Variants in TIMM50 observed in about 807,000 individuals in gnomAD.
TIMM50 encodes the protein mitochondrial import inner membrane translocase subunit TIM50.
Under a neutral mutation model 49.6 loss-of-function variants are expected in TIMM50, and 34 were observed. The observed-to-expected ratio is 0.69, with a 90% CI of 0.52 to 0.91. The LOEUF is 0.91. Ranked by LOEUF, TIMM50 falls within the 40% of genes least tolerant of loss-of-function variation. The pLI, the probability that TIMM50 is intolerant of heterozygous loss-of-function variation, is 0.00. For missense variants in TIMM50, 458 were observed against 477.8 expected (o/e 0.96, Z 0.39); for synonymous variants, 199 against 198.4 (o/e 1.00, Z -0.03).
At chr19:39,489,076 C>T (rs1247596190) in intron 10 of TIMM50, among the ~76,000 whole-genome samples, 7 of 151,950 alleles carry the variant, frequency 4.6e-5, no homozygotes, top group South Asian at 2.1e-4. Context: ...GTATGGATTG[C>T]GTCTGGGTAA....
At chr19:39,486,695 G>A (rs1363847533) in intron 8 of TIMM50, among the ~76,000 whole-genome samples, 200 bp downstream of exon 8, 3 of 152,222 alleles carry the variant, frequency 2.0e-5, no homozygotes, top group Non-Finnish European at 4.4e-5. Context: ...GGGTGTGGGA[G>A]TGGGGGGAAA....
intron 10 of TIMM50, among the ~76,000 whole-genome samples, chr19:39,489,326 G>A (rs4802033): frequency 0.26 from 39,507 of 151,982 alleles, 6,252 homozygotes; most frequent in African/African-American, 0.44. Context: ...TCACCTTGGG[G>A]TAACAGGGTC....
At chr19:39,485,413 A>T in intron 4 of TIMM50, 131 bp from the exon 5 acceptor site, 2 of 1,006,538 alleles carry the variant, frequency 2.0e-6, no homozygotes, top group Non-Finnish European at 3.1e-6. Flanking sequence ...CTTTGGACCT[A>T]GAAATGAGTT....
rs1555752632 is a variant in TIMM50 at position 39,492,882 on chromosome 19, A to AAAACAAAAC, written c.*3065_*3066insCAAAACAAA. On this transcript the variant is annotated 3_prime_UTR_variant, in exon 11 of 11. Coordinates refer to ENST00000607714, the MANE Select transcript of TIMM50 (RefSeq NM_001001563.5). ...TAAGGCTCTGTCTCCAAAAAAAAAA[A>AAAACAAAAC]AAAAAAAAAACAAAAAAAAAACCAG... 2.8e-5 allele frequency: 4 copies of AAAACAAAAC among 141,230 alleles called. No individual in the cohort carries two copies. The highest frequency in any genetic ancestry group is 1.4e-4 in the Admixed American group (2 of 14,130). The allele number at this position is 141,230 out of a possible 1,614,324, so 8.7% of individuals were successfully genotyped here. A position where few individuals can be genotyped will look rare whatever the true frequency, so the allele number is the denominator to read the frequency against.
chr19:39,484,207 G>A (rs2079490193), intron 4 of TIMM50, among the ~76,000 whole-genome samples: 1 of 152,112 alleles, frequency 6.6e-6, no homozygotes, highest in Non-Finnish European at 1.5e-5. Context: ...TAAAAATACT[G>A]TATTAAAGTA....
chr19:39,488,148 G>A lies in TIMM50; in HGVS notation c.784G>A (p.Val262Ile), dbSNP rs370178868. Residue 262 changes from valine (V) to isoleucine (I), a missense_variant, in exon 9 of 11, where the codon GTT becomes ATT. Physicochemically the swap from Val to Ile is conservative, Grantham distance 29. Transcript: ENST00000607714. ...CTTCCGCCTGCAGCCCTATAACGGC[G>A]TTGCCCTGCGGCCCTGGGACGGCAA... ...EAFRLQPYNG[V>I]ALRPWDGNSD... The A allele has an allele frequency of 5.6e-6, 9 of 1,613,946 alleles. No homozygotes were observed. The East Asian group carries it at 6.7e-5, about 12-fold the overall frequency.
chr19:39,483,261 C>T (rs1382930144), intron 4 of TIMM50, 105 bp downstream of exon 4: 2 of 1,464,878 alleles, frequency 1.4e-6, no homozygotes, highest in East Asian at 4.5e-5. Flanking sequence ...CCTCCTTCCA[C>T]TGGGGAGGTG....
intron 8 of TIMM50, 93 bp from the exon 9 acceptor site, chr19:39,487,968 C>T: frequency 7.2e-7 from 1 of 1,383,550 alleles, no homozygotes; most frequent in East Asian, 2.4e-5. Context: ...ATGTGTGATG[C>T]TGTGTATGTA....
chr19:39,490,741 GC>G lies in TIMM50; in HGVS notation c.*922del, dbSNP rs2079539653. On this transcript the variant is annotated 3_prime_UTR_variant, in exon 11 of 11. Transcript: ENST00000607714. ...CCCTATTTTAAAATGTTGGCTCCTAGCGGGGCGCAGTGGCTCACGCCTGTAA... is the reference window on the plus strand; with the variant it reads ...CCCTATTTTAAAATGTTGGCTCCTAGGGGGCGCAGTGGCTCACGCCTGTAA... 6.6e-6 allele frequency: 1 copy of G among 152,046 alleles called. No individual in the cohort carries two copies. Among genetic ancestry groups the G allele is most frequent in the Admixed American group, 6.5e-5 (1 of 15,270 alleles). The allele number at this position is 152,046 out of a possible 1,614,324, so 9.4% of individuals were successfully genotyped here.
At chr19:39,484,856 G>A (rs2079493899) in intron 4 of TIMM50, among the ~76,000 whole-genome samples, 1 of 152,162 alleles carries the variant, frequency 6.6e-6, no homozygotes, top group Non-Finnish European at 1.5e-5. Flanking sequence ...GAGCCCAGGA[G>A]TTCAAGACCA....
rs1441549074 is a variant in TIMM50 at position 39,493,265 on chromosome 19, T to C, written c.*3445T>C. The C allele has an allele frequency of 6.6e-6, 1 of 151,828 alleles. No homozygotes were observed. The highest frequency in any genetic ancestry group is 1.5e-5 in the Non-Finnish European group (1 of 67,982). 9.4% of individuals were successfully genotyped at this position (151,828 alleles called of 1,614,324 possible). A position where few individuals can be genotyped will look rare whatever the true frequency, so the allele number is the denominator to read the frequency against. ...GAGGGGACCTGTGCTTTTTTTTTTGTTTTTTTGAGATGGAGTCTCTGTTGC... is the reference window on the plus strand; with the variant it reads ...GAGGGGACCTGTGCTTTTTTTTTTGCTTTTTTGAGATGGAGTCTCTGTTGC... On this transcript the variant is annotated 3_prime_UTR_variant, in exon 11 of 11. Coordinates refer to ENST00000607714, the MANE Select transcript of TIMM50 (RefSeq NM_001001563.5).
chr19:39,483,229 C>G, intron 4 of TIMM50, 73 bp downstream of exon 4: 1 of 1,593,276 alleles, frequency 6.3e-7, no homozygotes, highest in South Asian at 1.1e-5. Flanking sequence ...GTCTCTCTCC[C>G]CATCTGGTGT....
chr19:39,488,016 G>A (rs763677021), intron 8 of TIMM50, 45 bp from the exon 9 acceptor site: 2 of 1,576,208 alleles, frequency 1.3e-6, no homozygotes, highest in Admixed American at 1.7e-5. Context: ...TTGATGGGGG[G>A]AGAGTTGGGC....
rs2079501267 is a variant in TIMM50, at chr19:39,485,786, C to T, written c.471C>T (p.Val157=). The part of the protein sequence containing the change: ...PYTLVLELTG[V]LLHPEWSLAT... The stretch of plus-strand genomic sequence containing the variant: ...CGCTCGTTTTGGAGCTCACCGGCGT[C>T]CTCTTGCATCCTGAGTGGTCGGTGT... Residue 157 remains valine (V), a synonymous_variant, in exon 6 of 11, where the codon GTC becomes GTT. Coordinates refer to ENST00000607714, the MANE Select transcript of TIMM50 (RefSeq NM_001001563.5). 1.2e-6 allele frequency: 2 copies of T among 1,614,070 alleles called. No homozygotes were observed. Among genetic ancestry groups the T allele is most frequent in the Non-Finnish European group, 1.7e-6 (2 of 1,180,048 alleles).
At chr19:39,481,533 C>T (rs549428818) in intron 1 of TIMM50, among the ~76,000 whole-genome samples, 3 of 152,280 alleles carry the variant, frequency 2.0e-5, no homozygotes, top group South Asian at 4.2e-4. Context: ...GTACCCCTTC[C>T]CCCACCACTT....
At chr19:39,485,516 A>T in intron 4 of TIMM50, 28 bp from the exon 5 acceptor site, 1 of 1,614,012 alleles carries the variant, frequency 6.2e-7, no homozygotes, top group Non-Finnish European at 8.5e-7. Context: ...CTTATTGTGG[A>T]ATCTCTTTGT....
Position 39,486,432 on chromosome 19 carries a change from T to C in TIMM50, c.633T>C (p.His211=), listed in dbSNP as rs750440090. The C allele has an allele frequency of 6.8e-6, 11 of 1,613,994 alleles. No homozygotes were observed. The highest frequency in any genetic ancestry group is 1.3e-5 in the African/African-American group (1 of 74,900). ...AFPLIDSVDP[H]GFISYRLFRD... Reference sequence around the variant, plus strand: ...CACTCATTGATAGTGTGGACCCCCATGGCTTCATCTCCTACCGCCTATTCC... The same window carrying C: ...CACTCATTGATAGTGTGGACCCCCACGGCTTCATCTCCTACCGCCTATTCC... Residue 211 remains histidine, a synonymous_variant, in exon 8 of 11, where the codon CAT becomes CAC. Transcript: ENST00000607714.
rs2079546049 is a variant in TIMM50, at chr19:39,491,680, A to C, written c.*1860A>C. ...AAAAAAAAAACAAAGTAACGAGCCCAGCGAGGTTATGCATACCTGTAGTCC... is the reference window on the plus strand; with the variant it reads ...AAAAAAAAAACAAAGTAACGAGCCCCGCGAGGTTATGCATACCTGTAGTCC... On this transcript the variant is annotated 3_prime_UTR_variant, in exon 11 of 11. Coordinates refer to ENST00000607714, the MANE Select transcript of TIMM50 (RefSeq NM_001001563.5). 2 of 151,568 alleles carry C rather than the reference A, an allele frequency of 1.3e-5. No individual in the cohort carries two copies. The highest frequency in any genetic ancestry group is 6.6e-5 in the Admixed American group (1 of 15,228). The allele number at this position is 151,568 out of a possible 1,614,324, so 9.4% of individuals were successfully genotyped here. A position where few individuals can be genotyped will look rare whatever the true frequency, so the allele number is the denominator to read the frequency against.
intron 8 of TIMM50, among the ~76,000 whole-genome samples, chr19:39,487,664 G>T (rs999106074): frequency 7.2e-5 from 11 of 152,140 alleles, no homozygotes; most frequent in African/African-American, 2.4e-4. Context: ...TCGCCATGTT[G>T]CCCAGGCTGG....
Sources: allele counts gnomAD v4.1 joint callset (sites outside exome capture counted in the v4.1 genomes callset), GRCh38; gene constraint gnomAD v4.1.1; transcripts MANE v1.5; gene names NCBI Gene and HGNC (gene_info 2026-07-23, HGNC 2026-07-21).